Variants in BRAF observed in about 807,000 individuals in gnomAD.
The protein encoded by BRAF is B-Raf proto-oncogene, serine/threonine kinase.
In BRAF, 16 loss-of-function variants were observed where a neutral mutation model predicts 104.6. That is an observed-to-expected ratio of 0.15 (90% CI 0.10 to 0.23). The LOEUF (loss-of-function observed/expected upper bound fraction) is 0.23. Ranked by LOEUF, BRAF falls within the 10% of genes least tolerant of loss-of-function variation. BRAF has a pLI of 1.00. For synonymous variants in BRAF, 310 were observed against 341.6 expected, an observed-to-expected ratio of 0.91 and a Z score of 1.02; for missense variants, 541 against 937.3, an observed-to-expected ratio of 0.58 and a Z score of 5.52.
rs1417733188 is a variant in BRAF at position 140,856,295 on chromosome 7, G to A, written c.139-6083C>T. ...AGGGAGGGAAGGGAGAGACAGAAGTGGTCTTAAAATTTCAAGAAAATGGTT... is the reference window on the plus strand; with the variant it reads ...AGGGAGGGAAGGGAGAGACAGAAGTAGTCTTAAAATTTCAAGAAAATGGTT... On this transcript the variant is annotated intron_variant, in intron 1 of 19. Transcript: ENST00000644969. 2.0e-5 allele frequency among the ~76,000 whole-genome samples: 3 copies of A among 151,656 alleles called. No homozygotes were observed. The South Asian group carries it at 6.2e-4, about 32-fold the overall frequency.
chr7:140,754,619 T>A (rs548596951), intron 14 of BRAF, among the ~76,000 whole-genome samples: 2 of 152,154 alleles, frequency 1.3e-5, no homozygotes, highest in African/African-American at 4.8e-5. Flanking sequence ...TTCGTTCTAT[T>A]TTCCACCTAT....
chr7:140,756,146 G>A (rs1043693278), intron 14 of BRAF, among the ~76,000 whole-genome samples: 2 of 152,074 alleles, frequency 1.3e-5, no homozygotes, highest in Non-Finnish European at 2.9e-5. Context: ...AGATATAAAT[G>A]TAATTGGGGA....
At position 140,721,886 on chromosome 7, in the gene BRAF, A is replaced by G; in HGVS notation, c.*4608T>C. ...AGGATGACTAACGCAGTCCAGCTTC[A>G]TGTGCAATCAAGTCCCGGGAAGAAA... On this transcript the variant is annotated 3_prime_UTR_variant, in exon 20 of 20. Transcript: ENST00000644969. 2.4e-6 allele frequency: 3 copies of G among 1,256,882 alleles called. No homozygotes were observed. Among genetic ancestry groups the G allele is most frequent in the Non-Finnish European group, 3.0e-6 (3 of 1,002,858 alleles). The allele number at this position is 1,256,882 out of a possible 1,614,324, so 77.9% of individuals were successfully genotyped here.
intron 3 of BRAF, chr7:140,834,371 T>A: frequency 1.6e-6 from 1 of 626,864 alleles, no homozygotes; most frequent in South Asian, 2.1e-5. Flanking sequence ...TGACTGTGGT[T>A]CAAGTTTGGC....
chr7:140,760,582 C>G (rs1798611103), intron 14 of BRAF, among the ~76,000 whole-genome samples: 1 of 151,616 alleles, frequency 6.6e-6, no homozygotes, highest in African/African-American at 2.4e-5. Context: ...GAGGTAATAA[C>G]TGAAGAGAGA....
chr7:140,887,167 G>A (rs572633471), intron 1 of BRAF, among the ~76,000 whole-genome samples: 2 of 152,180 alleles, frequency 1.3e-5, no homozygotes, highest in Admixed American at 6.5e-5. Context: ...AACCAGATAA[G>A]CAGGCTGCTG....
rs2129019740 is a variant in BRAF, at chr7:140,778,084, C to T, written c.1553-9G>A. 1 of 1,612,822 alleles carries T rather than the reference C, an allele frequency of 6.2e-7. No homozygotes were observed. Among genetic ancestry groups the T allele is most frequent in the Non-Finnish European group, 8.5e-7 (1 of 1,179,308 alleles). ...TTTCACTGCCACATCACCTAAAAGG[C>T]AATTGTTACTCCAAGTGTCATTTCA... On this transcript the variant is annotated splice_polypyrimidine_tract_variant and intron_variant, in intron 12 of 19. Transcript: ENST00000644969.
chr7:140,756,190 C>T lies in BRAF; in HGVS notation c.1815-1957G>A, dbSNP rs182709014. 1.4e-4 allele frequency among the ~76,000 whole-genome samples: 22 copies of T among 152,172 alleles called. No homozygotes were observed. In the East Asian group the frequency reaches 4.2e-3, roughly 29 times the overall value. On this transcript the variant is annotated intron_variant, in intron 14 of 19. Coordinates refer to ENST00000644969, the MANE Select transcript of BRAF (RefSeq NM_001374258.1). ...TATACCCAGCATAGAAGTTATATAG[C>T]ATAAATTTGTTATAGGCCGAGTTGC...
chr7:140,858,991 G>A (rs1810101656), intron 1 of BRAF, among the ~76,000 whole-genome samples: 1 of 152,110 alleles, frequency 6.6e-6, no homozygotes, highest in Non-Finnish European at 1.5e-5. Flanking sequence ...AGCAAGGTTT[G>A]TTGGATATAA....
intron 8 of BRAF, among the ~76,000 whole-genome samples, chr7:140,793,519 TTAA>T (rs1221630741): frequency 6.6e-6 from 1 of 151,970 alleles, no homozygotes; most frequent in South Asian, 2.1e-4. Flanking sequence ...TTCTTTTATA[TTAA>T]TATTTAATAA....
intron 18 of BRAF, among the ~76,000 whole-genome samples, chr7:140,736,948 G>A (rs1198695693): frequency 6.6e-6 from 1 of 151,994 alleles, no homozygotes; most frequent in Non-Finnish European, 1.5e-5. Flanking sequence ...TACTTAGGAG[G>A]CTGAGGTGAG....
chr7:140,752,563 C>G (rs10232557), intron 16 of BRAF, among the ~76,000 whole-genome samples: 45,418 of 152,100 alleles, frequency 0.3, 10,831 homozygotes, highest in African/African-American at 0.67. Flanking sequence ...GCAATGCACA[C>G]AAGTTTTTGT....
intron 14 of BRAF, among the ~76,000 whole-genome samples, chr7:140,766,037 C>T (rs1799283641): frequency 6.6e-6 from 1 of 151,668 alleles, no homozygotes; most frequent in South Asian, 2.1e-4. Flanking sequence ...ATAGCAAAGA[C>T]TTGGAACCAA....
At chr7:140,815,788 A>T (rs956207411) in intron 3 of BRAF, among the ~76,000 whole-genome samples, 1 of 152,184 alleles carries the variant, frequency 6.6e-6, no homozygotes, top group Non-Finnish European at 1.5e-5. Flanking sequence ...TGCTTATAAC[A>T]TGCTTTCATT....
chr7:140,906,695 T>C (rs1179928869), intron 1 of BRAF, among the ~76,000 whole-genome samples: 1 of 152,194 alleles, frequency 6.6e-6, no homozygotes, highest in Non-Finnish European at 1.5e-5. Context: ...TTTACCCTCA[T>C]TGTAGAGGGA....
intron 17 of BRAF, among the ~76,000 whole-genome samples, chr7:140,746,658 T>C (rs1162068095): frequency 6.6e-6 from 1 of 151,684 alleles, no homozygotes; most frequent in African/African-American, 2.4e-5. Context: ...GTGAAACCCC[T>C]GTCTCTACCA....
At position 140,725,467 on chromosome 7, in the gene BRAF, T is replaced by C; in HGVS notation, c.*1027A>G. On this transcript the variant is annotated 3_prime_UTR_variant, in exon 20 of 20. Coordinates refer to ENST00000644969, the MANE Select transcript of BRAF (RefSeq NM_001374258.1). ...ATTAAATCTGAAAATTATTTTCTTT[T>C]TAATAAAAATAGAAAAGAAGAAACT... 1 of 936,112 alleles carries C rather than the reference T, an allele frequency of 1.1e-6. No individual in the cohort carries two copies. The highest frequency in any genetic ancestry group is 5.1e-5 in the South Asian group (1 of 19,532). 58.0% of individuals were successfully genotyped at this position (936,112 alleles called of 1,614,324 possible).
rs1327965535 is a variant in BRAF at position 140,818,314 on chromosome 7, AT to A, written c.505-9320del. On this transcript the variant is annotated intron_variant, in intron 3 of 19. Transcript: ENST00000644969. ...TATATTTTTCCATACAAGTATTTTA[AT>A]TTTTTTTTTTTTTTTGAGATGGAGT... is the stretch of plus-strand genomic sequence containing the variant. Among the ~76,000 whole-genome samples, 278 of 142,592 alleles carry A rather than the reference AT, an allele frequency of 1.9e-3. 1 individual carries two copies. The highest frequency in any genetic ancestry group is 0.011 in the Middle Eastern group (3 of 268). The allele number at this position is 142,592 out of a possible 152,430, so 93.5% of individuals were successfully genotyped here.
At chr7:140,763,260 G>A (rs1282726084) in intron 14 of BRAF, among the ~76,000 whole-genome samples, 8 of 151,582 alleles carry the variant, frequency 5.3e-5, no homozygotes, top group Non-Finnish European at 1.0e-4. Context: ...CTCCCTCCCG[G>A]ACGGGGTGGC....
Sources: allele counts gnomAD v4.1 joint callset (sites outside exome capture counted in the v4.1 genomes callset), GRCh38; gene constraint gnomAD v4.1.1; transcripts MANE v1.5; gene names NCBI Gene and HGNC (gene_info 2026-07-23, HGNC 2026-07-21).